Variants in CAPZB observed in about 807,000 individuals in gnomAD.
The protein encoded by CAPZB is F-actin-capping protein subunit beta.
In CAPZB, 2 loss-of-function variants were observed where a neutral mutation model predicts 38.1. The observed-to-expected ratio is 0.05, with a 90% CI of 0.02 to 0.17. CAPZB has a LOEUF of 0.17. Ranked by LOEUF, CAPZB falls within the 10% of genes least tolerant of loss-of-function variation. The pLI, the probability that CAPZB is intolerant of heterozygous loss-of-function variation, is 1.00. For synonymous variants in CAPZB, 107 were observed against 127.4 expected, an observed-to-expected ratio of 0.84 and a Z score of 1.08; for missense variants, 161 against 334.2, an observed-to-expected ratio of 0.48 and a Z score of 4.04.
intron 3 of CAPZB, among the ~76,000 whole-genome samples, chr1:19,384,249 C>T (rs143240236): frequency 6.6e-6 from 1 of 152,282 alleles, no homozygotes; most frequent in South Asian, 2.1e-4. Flanking sequence ...GCCCCCACTG[C>T]CCTCCCCTCA....
chr1:19,480,797 G>A (rs1357768739), intron 1 of CAPZB, among the ~76,000 whole-genome samples: 2 of 152,158 alleles, frequency 1.3e-5, no homozygotes, highest in Non-Finnish European at 2.9e-5. Context: ...GGTAAGTTGT[G>A]CGTTCAAGGC....
chr1:19,364,237 A>G (rs1009907686), intron 4 of CAPZB, among the ~76,000 whole-genome samples: 1 of 152,254 alleles, frequency 6.6e-6, no homozygotes, highest in Non-Finnish European at 1.5e-5. Flanking sequence ...GAGCTGGATC[A>G]GAGGCCAGCG....
At chr1:19,443,202 A>G (rs1046683178) in intron 1 of CAPZB, among the ~76,000 whole-genome samples, 5 of 151,534 alleles carry the variant, frequency 3.3e-5, no homozygotes, top group African/African-American at 1.2e-4. Flanking sequence ...AGCCTGGGCA[A>G]CATACTGAGA....
intron 2 of CAPZB, among the ~76,000 whole-genome samples, chr1:19,418,614 C>G (rs917277843): frequency 6.6e-6 from 1 of 152,196 alleles, no homozygotes; most frequent in South Asian, 2.1e-4. Context: ...CCTCCACAGG[C>G]TCCGCTCTGT....
chr1:19,468,056 T>C (rs80265486), intron 1 of CAPZB, among the ~76,000 whole-genome samples: 12,520 of 152,126 alleles, frequency 0.082, 642 homozygotes, highest in Admixed American at 0.16. Context: ...TGAGCTATGA[T>C]TGAGCCACTG....
At chr1:19,387,073 G>A (rs144674967) in intron 2 of CAPZB, among the ~76,000 whole-genome samples, 1,869 of 86,212 alleles carry the variant, frequency 0.022, 38 homozygotes, top group African/African-American at 0.084. Flanking sequence ...CATGCACCAC[G>A]CACTATGGTA....
At chr1:19,439,935 C>A (rs1343521491) in intron 1 of CAPZB, among the ~76,000 whole-genome samples, 1 of 152,210 alleles carries the variant, frequency 6.6e-6, no homozygotes, top group African/African-American at 2.4e-5. Context: ...ACATCCAGAA[C>A]CTCAGCAGTC....
chr1:19,385,254 C>T (rs1260553028), intron 3 of CAPZB, among the ~76,000 whole-genome samples: 3 of 152,312 alleles, frequency 2.0e-5, no homozygotes, highest in South Asian at 4.1e-4. Context: ...GCCTTTGGTC[C>T]GCTGCTCTAT....
intron 4 of CAPZB, among the ~76,000 whole-genome samples, chr1:19,364,561 T>C (rs560358515): frequency 3.9e-5 from 6 of 152,360 alleles, no homozygotes; most frequent in Non-Finnish European, 7.3e-5. Flanking sequence ...ACACCAAGAT[T>C]TCTCTTTTCT....
intron 1 of CAPZB, among the ~76,000 whole-genome samples, chr1:19,429,283 C>CAA (rs952431080): frequency 1.5e-5 from 2 of 133,524 alleles, no homozygotes. Flanking sequence ...TCATTTCAAA[C>CAA]AAAAAAAAAA....
chr1:19,481,434 G>C (rs913199581), intron 1 of CAPZB, among the ~76,000 whole-genome samples: 1 of 152,200 alleles, frequency 6.6e-6, no homozygotes, highest in Non-Finnish European at 1.5e-5. Context: ...GTGGGGTCCA[G>C]CACATGACTT....
intron 4 of CAPZB, among the ~76,000 whole-genome samples, chr1:19,359,255 C>T (rs1236870502): frequency 7.3e-6 from 1 of 137,628 alleles, no homozygotes; most frequent in Non-Finnish European, 1.5e-5. Context: ...TAAGTCATAC[C>T]ATTCCAAACT....
intron 1 of CAPZB, among the ~76,000 whole-genome samples, chr1:19,482,221 C>G (rs1020434250): frequency 1.3e-5 from 2 of 152,222 alleles, no homozygotes; most frequent in African/African-American, 2.4e-5. Context: ...TCCTTAATCT[C>G]AAGCCACTGA....
At chr1:19,437,823 A>C (rs2094463033) in intron 1 of CAPZB, among the ~76,000 whole-genome samples, 1 of 152,198 alleles carries the variant, frequency 6.6e-6, no homozygotes, top group Admixed American at 6.5e-5. Flanking sequence ...TTCATTTGCC[A>C]ATTTTTAAAT....
chr1:19,401,210 A>G (rs1245972324), intron 2 of CAPZB, among the ~76,000 whole-genome samples: 3 of 90,536 alleles, frequency 3.3e-5, no homozygotes, highest in African/African-American at 9.0e-5. Flanking sequence ...ACCAAAAAGG[A>G]AAAAAAAAAA....
chr1:19,463,153 A>G (rs2094557594), intron 1 of CAPZB, among the ~76,000 whole-genome samples: 1 of 152,230 alleles, frequency 6.6e-6, no homozygotes. Context: ...ATTCCTGTCA[A>G]GTCCAATCTC....
intron 2 of CAPZB, among the ~76,000 whole-genome samples, chr1:19,405,868 A>C (rs1470943022): frequency 6.6e-6 from 1 of 152,238 alleles, no homozygotes; most frequent in East Asian, 1.9e-4. Context: ...CATAAAAGGC[A>C]ATGGGCCCAT....
chr1:19,458,369 T>C (rs1282262804), intron 1 of CAPZB, among the ~76,000 whole-genome samples: 1 of 152,238 alleles, frequency 6.6e-6, no homozygotes, highest in Admixed American at 6.5e-5. Context: ...TTGCTTAATT[T>C]TGAGACGGAG....
At chr1:19,373,354 G>A (rs1477560516) in intron 4 of CAPZB, among the ~76,000 whole-genome samples, 5 of 152,194 alleles carry the variant, frequency 3.3e-5, no homozygotes, top group Admixed American at 2.6e-4. Flanking sequence ...AGCCAGAAAG[G>A]CCTGCTGGTC....
Sources: allele counts gnomAD v4.1 joint callset (sites outside exome capture counted in the v4.1 genomes callset), GRCh38; gene constraint gnomAD v4.1.1; transcripts MANE v1.5; gene names NCBI Gene and HGNC (gene_info 2026-07-23, HGNC 2026-07-21).